SLC24A2: variants seen among roughly 807,000 people sequenced by gnomAD.
SLC24A2 encodes sodium/potassium/calcium exchanger 2.
SLC24A2 carries 36 observed loss-of-function variants against 62.0 expected under a neutral mutation model. That is an observed-to-expected ratio of 0.58 (90% CI 0.44 to 0.77). The LOEUF (loss-of-function observed/expected upper bound fraction) is 0.77, where lower values mean the gene tolerates loss of function less well. SLC24A2 is among the 30% of genes least tolerant of loss of function. The pLI is 0.00. For missense variants in SLC24A2, 846 were observed against 817.9 expected, an observed-to-expected ratio of 1.03 and a Z score of -0.42; for synonymous variants, 358 against 294.0, an observed-to-expected ratio of 1.22 and a Z score of -2.23.
intron 8 of SLC24A2, among the ~76,000 whole-genome samples, chr9:19,531,599 T>C (rs1833710232): frequency 6.6e-6 from 1 of 152,158 alleles, no homozygotes; most frequent in East Asian, 1.9e-4. Context: ...TAGCTGGTTG[T>C]ACAAATTAGC....
chr9:19,732,438 A>G (rs924188760), intron 2 of SLC24A2, among the ~76,000 whole-genome samples: 2 of 152,164 alleles, frequency 1.3e-5, no homozygotes, highest in African/African-American at 4.8e-5. Context: ...CAACTCCATC[A>G]GGGCTGGCAG....
the SLC24A2 span, among the ~76,000 whole-genome samples, chr9:20,243,306 T>C: frequency 6.6e-6 from 1 of 152,216 alleles, no homozygotes; most frequent in Non-Finnish European, 1.5e-5. Context: ...GAGACTATCA[T>C]AATCAGAAAA....
chr9:19,529,522 C>G lies in SLC24A2; in HGVS notation c.1480-1384G>C, dbSNP rs564330613. Among the ~76,000 whole-genome samples the G allele has an allele frequency of 2.0e-5, 3 of 152,214 alleles. No homozygotes were observed. The East Asian group carries it at 5.8e-4, about 29-fold the overall frequency. On this transcript the variant is annotated intron_variant, in intron 8 of 10. Transcript: ENST00000341998. ...GCTGTTTTGTGGGGCCGTTTGTTAG[C>G]TTGGATGACTGTAAGACCAAGCAGG...
chr9:20,149,847 G>A, the SLC24A2 span, among the ~76,000 whole-genome samples: 1 of 152,002 alleles, frequency 6.6e-6, no homozygotes, highest in Non-Finnish European at 1.5e-5. Context: ...ACTTTTAGGA[G>A]TCACTACAGA....
At chr9:20,266,385 T>A in the SLC24A2 span, among the ~76,000 whole-genome samples, 1 of 152,184 alleles carries the variant, frequency 6.6e-6, no homozygotes, top group African/African-American at 2.4e-5. Flanking sequence ...TACATGACTG[T>A]CGGGGGCAGG....
chr9:20,211,317 A>G, the SLC24A2 span, among the ~76,000 whole-genome samples: 1 of 152,190 alleles, frequency 6.6e-6, no homozygotes, highest in Non-Finnish European at 1.5e-5. Context: ...GTTCAAGACC[A>G]GCCTGATCAA....
intron 8 of SLC24A2, among the ~76,000 whole-genome samples, chr9:19,546,772 C>G (rs560371451): frequency 6.6e-6 from 1 of 152,092 alleles, no homozygotes; most frequent in South Asian, 2.1e-4. Context: ...GCAGCTAGCT[C>G]AGGGTCTGCC....
At chr9:19,908,748 C>T in the SLC24A2 span, among the ~76,000 whole-genome samples, 1 of 152,140 alleles carries the variant, frequency 6.6e-6, no homozygotes, top group South Asian at 2.1e-4. Context: ...TCATCACTGG[C>T]CATCATAGAA....
At chr9:19,996,318 T>C in the SLC24A2 span, among the ~76,000 whole-genome samples, 2 of 152,214 alleles carry the variant, frequency 1.3e-5, no homozygotes, top group Non-Finnish European at 2.9e-5. Context: ...AGCCAGTGAC[T>C]CCTGTGAAAT....
At chr9:19,883,409 A>T in the SLC24A2 span, among the ~76,000 whole-genome samples, 4 of 152,212 alleles carry the variant, frequency 2.6e-5, no homozygotes, top group East Asian at 1.9e-4. Context: ...ATTGTAAGCA[A>T]TTAAAATAAA....
the SLC24A2 span, among the ~76,000 whole-genome samples, chr9:20,149,910 G>A: frequency 6.6e-6 from 1 of 151,968 alleles, no homozygotes; most frequent in Non-Finnish European, 1.5e-5. Flanking sequence ...GCCAGTCACG[G>A]GTGATAGTCA....
At chr9:20,293,710 T>A in the SLC24A2 span, among the ~76,000 whole-genome samples, 1 of 152,198 alleles carries the variant, frequency 6.6e-6, no homozygotes, top group African/African-American at 2.4e-5. Flanking sequence ...ACACTCACTA[T>A]GAAACTCCAG....
rs1219598712 is a variant in SLC24A2, at chr9:19,599,772, C to A, written c.1079-2493G>T. On this transcript the variant is annotated intron_variant, in intron 4 of 10. Coordinates refer to ENST00000341998, the MANE Select transcript of SLC24A2 (RefSeq NM_020344.4). The surrounding 1 kb of genome is among the most constrained non-coding windows in gnomAD (Gnocchi z 4.5). Reference sequence around the variant, plus strand: ...TGCACTTGGCTGGGGTCCTACAGCCCATGATGCCTCCTGGAACGTACCCTT... The same window carrying A: ...TGCACTTGGCTGGGGTCCTACAGCCAATGATGCCTCCTGGAACGTACCCTT... Among the ~76,000 whole-genome samples, 4 of 152,290 alleles carry A rather than the reference C, an allele frequency of 2.6e-5. No individual in the cohort carries two copies. The East Asian group carries it at 5.8e-4, about 22-fold the overall frequency.
chr9:19,643,156 T>C (rs1818551177), intron 2 of SLC24A2, among the ~76,000 whole-genome samples: 1 of 152,156 alleles, frequency 6.6e-6, no homozygotes, highest in Non-Finnish European at 1.5e-5. Context: ...ACCCTATTAA[T>C]ATGAATATTT....
the SLC24A2 span, among the ~76,000 whole-genome samples, chr9:20,058,805 G>A: frequency 6.6e-6 from 1 of 152,200 alleles, no homozygotes; most frequent in African/African-American, 2.4e-5. Context: ...ATACGTATGT[G>A]TGTACAGTTT....
the SLC24A2 span, among the ~76,000 whole-genome samples, chr9:19,999,476 G>A: frequency 1.3e-5 from 2 of 152,230 alleles, no homozygotes; most frequent in African/African-American, 4.8e-5. Flanking sequence ...ATTGCTTGAT[G>A]TATGGGTAGC....
chr9:20,229,996 T>G, the SLC24A2 span, among the ~76,000 whole-genome samples: 24 of 151,966 alleles, frequency 1.6e-4, no homozygotes, highest in Admixed American at 1.2e-3. Context: ...TGGTTTTTTG[T>G]CCTTGTGATA....
chr9:19,669,067 A>C (rs10811228), intron 2 of SLC24A2, among the ~76,000 whole-genome samples: 1 of 152,040 alleles, frequency 6.6e-6, no homozygotes, highest in African/African-American at 2.4e-5. Flanking sequence ...ATTTGGCTAA[A>C]TTGTATTTAT....
the SLC24A2 span, among the ~76,000 whole-genome samples, chr9:20,177,332 C>CT: frequency 1.3e-5 from 2 of 152,048 alleles, no homozygotes; most frequent in Non-Finnish European, 2.9e-5. Context: ...TTTACTTCGC[C>CT]TTTTTTCCTG....
Sources: allele counts gnomAD v4.1 joint callset (sites outside exome capture counted in the v4.1 genomes callset), GRCh38; gene constraint gnomAD v4.1.1; non-coding constraint Gnocchi (gnomAD v3.1); transcripts MANE v1.5; gene names NCBI Gene and HGNC (gene_info 2026-07-23, HGNC 2026-07-21).